Variants in NUP153 observed in about 807,000 individuals in gnomAD.
NUP153 encodes the protein nucleoporin 153.
Under a neutral mutation model 134.6 loss-of-function variants are expected in NUP153, and 27 were observed. The ratio of observed to expected loss-of-function variants is 0.20; its 90% CI spans 0.15 to 0.28. The LOEUF (loss-of-function observed/expected upper bound fraction) is 0.28, where lower values mean the gene tolerates loss of function less well. NUP153 is among the 10% of genes least tolerant of loss of function. The probability of loss-of-function intolerance (pLI) is 1.00; values close to 1 mark genes in which losing one functional copy is unlikely to be tolerated. For missense variants in NUP153, 1,821 were observed against 1,731.3 expected (o/e 1.05, Z -0.92); for synonymous variants, 640 against 623.5 (o/e 1.03, Z -0.40).
chr6:17,669,078 T>TA, intron 7 of NUP153, 50 bp from the exon 8 acceptor site: 2 of 1,286,206 alleles, frequency 1.6e-6, no homozygotes, highest in Non-Finnish European at 2.1e-6. Flanking sequence ...TTATGAAAAA[T>TA]ACCTTTTTTT....
At chr6:17,670,447 G>C (rs908394196) in intron 5 of NUP153, among the ~76,000 whole-genome samples, 1 of 152,056 alleles carries the variant, frequency 6.6e-6, no homozygotes, top group Non-Finnish European at 1.5e-5. Context: ...ATTTTCTTTG[G>C]ATTTTTCTAC....
At chr6:17,681,132 G>A (rs995686870) in intron 2 of NUP153, among the ~76,000 whole-genome samples, 39 of 151,916 alleles carry the variant, frequency 2.6e-4, no homozygotes, top group African/African-American at 8.7e-4. Context: ...AATATAGATG[G>A]AACTGCAGAA....
At chr6:17,667,471 T>C (rs1767601732) in intron 8 of NUP153, among the ~76,000 whole-genome samples, 1 of 152,134 alleles carries the variant, frequency 6.6e-6, no homozygotes, top group African/African-American at 2.4e-5. Flanking sequence ...TCCCAGCACT[T>C]TGGGAGGCCG....
rs371218363 is a variant in NUP153 at position 17,646,180 on chromosome 6, A to G, written c.1633-26T>C. 2.8e-5 allele frequency: 36 copies of G among 1,267,626 alleles called. No homozygotes were observed. The African/African-American group carries it at 3.1e-4, about 11-fold the overall frequency. The allele number at this position is 1,267,626 out of a possible 1,614,324, so 78.5% of individuals were successfully genotyped here. A position where few individuals can be genotyped will look rare whatever the true frequency, so the allele number is the denominator to read the frequency against. On this transcript the variant is annotated intron_variant, in intron 13 of 21. Coordinates refer to ENST00000262077, the MANE Select transcript of NUP153 (RefSeq NM_005124.4). ...CTGTAAAGAGAAAGAATATCCTTAT[A>G]CTTCGTTTTCAATAAGTATCAAATA...
intron 1 of NUP153, among the ~76,000 whole-genome samples, chr6:17,705,456 G>A (rs1770415575): frequency 6.6e-6 from 1 of 151,984 alleles, no homozygotes; most frequent in African/African-American, 2.4e-5. Flanking sequence ...AGTGTCAAAA[G>A]TAACTATACT....
At chr6:17,679,336 G>C (rs1341102151) in intron 2 of NUP153, among the ~76,000 whole-genome samples, 2 of 152,136 alleles carry the variant, frequency 1.3e-5, no homozygotes, top group Non-Finnish European at 2.9e-5. Flanking sequence ...TAAAAGATGT[G>C]CACATGGAAA....
chr6:17,626,072 C>G lies in NUP153; in HGVS notation c.3637G>C (p.Gly1213Arg). The change falls in exon 19 of 22, where the codon GGT becomes CGT. Residue 1213 changes from glycine to arginine, a missense_variant. Physicochemically the swap from Gly to Arg is moderately radical, Grantham distance 125. Coordinates refer to ENST00000262077, the MANE Select transcript of NUP153 (RefSeq NM_005124.4). ...PATSAGGGIF[G>R]SSTSSSNPPV... ...GGATTGGAGGAAGAGGTGGAACTACCAAATATGCCACCACCAGCAGAAGTG... is the reference window on the plus strand; with the variant it reads ...GGATTGGAGGAAGAGGTGGAACTACGAAATATGCCACCACCAGCAGAAGTG... 1.2e-6 allele frequency: 2 copies of G among 1,613,990 alleles called. No homozygotes were observed. Among genetic ancestry groups the G allele is most frequent in the Non-Finnish European group, 1.7e-6 (2 of 1,180,024 alleles).
At position 17,680,574 on chromosome 6, in the gene NUP153, A is replaced by G. The variant is rs1244763420; in HGVS notation, c.335-4804T>C. 6.6e-6 allele frequency among the ~76,000 whole-genome samples: 1 copy of G among 152,252 alleles called. No homozygotes were observed. Among genetic ancestry groups the G allele is most frequent in the Non-Finnish European group, 1.5e-5 (1 of 68,044 alleles). ...ACAACACTAAAAGCACAGGCCATGG[A>G]AGCAAAAACAGACAAACAGGACTAC... On this transcript the variant is annotated intron_variant, in intron 2 of 21. Transcript: ENST00000262077. This position sits in a 1 kb window ranked among gnomAD's most constrained non-coding sequence, Gnocchi z 4.5.
chr6:17,618,557 TC>T (rs1764456735), intron 20 of NUP153, among the ~76,000 whole-genome samples: 1 of 63,062 alleles, frequency 1.6e-5, no homozygotes, highest in Admixed American at 2.7e-4. Flanking sequence ...GAAGTTAAAA[TC>T]TCTCTTTTTT....
At chr6:17,666,861 A>T (rs185205145) in intron 8 of NUP153, among the ~76,000 whole-genome samples, 200 of 152,318 alleles carry the variant, frequency 1.3e-3, no homozygotes, top group African/African-American at 3.7e-3. Context: ...TGTGAACAAC[A>T]TTGGTTTCCA....
At chr6:17,649,358 A>T (rs1053384454) in intron 11 of NUP153, 58 bp from the exon 12 acceptor site, 2 of 1,504,618 alleles carry the variant, frequency 1.3e-6, no homozygotes, top group African/African-American at 1.4e-5. Context: ...TTTTATCTCT[A>T]CTTATTTTCA....
At chr6:17,621,816 A>C (rs1764654129) in intron 20 of NUP153, among the ~76,000 whole-genome samples, 1 of 152,244 alleles carries the variant, frequency 6.6e-6, no homozygotes, top group African/African-American at 2.4e-5. Context: ...TACATTTCAA[A>C]ATAGCTAGAA....
At chr6:17,663,256 C>CAT (rs1475153230) in intron 9 of NUP153, among the ~76,000 whole-genome samples, 83 of 119,928 alleles carry the variant, frequency 6.9e-4, no homozygotes, top group East Asian at 2.8e-3. Context: ...CACACACACA[C>CAT]ACACATATAT....
At chr6:17,632,185 C>A (rs1765288184) in intron 17 of NUP153, among the ~76,000 whole-genome samples, 1 of 151,898 alleles carries the variant, frequency 6.6e-6, no homozygotes, top group South Asian at 2.1e-4. Context: ...ACCTGTAATC[C>A]CAGCTACTTG....
intron 5 of NUP153, among the ~76,000 whole-genome samples, chr6:17,671,256 C>T (rs1415880810): frequency 6.6e-6 from 1 of 151,970 alleles, no homozygotes; most frequent in Non-Finnish European, 1.5e-5. Context: ...AAATAATAGT[C>T]TGTTGCTGTC....
At chr6:17,635,101 T>G (rs1030502646) in intron 16 of NUP153, among the ~76,000 whole-genome samples, 1 of 133,724 alleles carries the variant, frequency 7.5e-6, no homozygotes, top group African/African-American at 2.8e-5. Flanking sequence ...CAGCTTGGCT[T>G]ATCTTTTTTT....
In NUP153 at chr6:17,624,768, G is replaced by C; in HGVS notation, c.3967C>G (p.Gln1323Glu). The C allele has an allele frequency of 6.2e-7, 1 of 1,614,122 alleles. No individual in the cohort carries two copies. Among genetic ancestry groups the C allele is most frequent in the Non-Finnish European group, 8.5e-7 (1 of 1,180,014 alleles). ...PSASPAFGAN[Q>E]TPTFGQSQGA... ...TGACTTTGTCCAAATGTTGGGGTCT[G>C]GTTAGCACCAAATGCTGGACTGGCA... Residue 1323 changes from glutamine (Q) to glutamate (E), a missense_variant, in exon 20 of 22, where the codon CAG becomes GAG. By Grantham distance (29) the Gln-to-Glu change is conservative (BLOSUM62 2). Transcript: ENST00000262077.
In NUP153 at chr6:17,659,357, T is replaced by C. The variant is rs187989771; in HGVS notation, c.1395+2296A>G. The stretch of plus-strand genomic sequence containing the variant: ...GTTCCTGTTTTGTTCAATAAAGATG[T>C]GTTTGAGCCTAGTTAAATAATGATT... On this transcript the variant is annotated intron_variant, in intron 11 of 21. Transcript: ENST00000262077. 4.0e-3 allele frequency among the ~76,000 whole-genome samples: 613 copies of C among 152,378 alleles called. 3 individuals carry two copies. Among genetic ancestry groups the C allele is most frequent in the Middle Eastern group, 0.031 (9 of 294 alleles).
Position 17,625,868 on chromosome 6 carries a change from T to A in NUP153, c.3841A>T (p.Ser1281Cys). 1 of 1,614,258 alleles carries A rather than the reference T, an allele frequency of 6.2e-7. No individual in the cohort carries two copies. The highest frequency in any genetic ancestry group is 8.5e-7 in the Non-Finnish European group (1 of 1,180,046). Residue 1281 changes from serine to cysteine, a missense_variant, in exon 19 of 22, where the codon AGT becomes TGT. Physicochemically the swap from Ser to Cys is moderately radical, Grantham distance 112 (BLOSUM62 -1). Transcript: ENST00000262077. This position sits in a 1 kb window ranked among gnomAD's most constrained non-coding sequence, Gnocchi z 4.7. ...TPFVFGPGAS[S>C]NNTTTSGFGF... ...AAACCAGAGGTGGTAGTATTATTAC[T>A]GCTGGCTCCTGGACCAAAGACAAAT... is the stretch of plus-strand genomic sequence containing the variant.
Sources: allele counts gnomAD v4.1 joint callset (sites outside exome capture counted in the v4.1 genomes callset), GRCh38; gene constraint gnomAD v4.1.1; non-coding constraint Gnocchi (gnomAD v3.1); transcripts MANE v1.5; gene names NCBI Gene and HGNC (gene_info 2026-07-23, HGNC 2026-07-21).